The following LRRC37A2 variants were observed in gnomAD, a reference collection of about 807,000 sequenced individuals.
The protein encoded by LRRC37A2 is leucine rich repeat containing 37 member A2.
Under a neutral mutation model 68.8 loss-of-function variants are expected in LRRC37A2, and 9 were observed. The observed-to-expected ratio is 0.13, with a 90% CI of 0.08 to 0.23. LRRC37A2 has a LOEUF of 0.23. Among genes scored for constraint, LRRC37A2 ranks in the 10% least tolerant of loss-of-function variants. The pLI is 1.00. For missense variants in LRRC37A2, 168 were observed against 950.4 expected (o/e 0.18, Z 10.82); for synonymous variants, 63 against 367.6 (o/e 0.17, Z 9.48).
At chr17:46,793,731 A>G in the LRRC37A2 span, among the ~76,000 whole-genome samples, 1 of 152,208 alleles carries the variant, frequency 6.6e-6, no homozygotes, top group Non-Finnish European at 1.5e-5. Flanking sequence ...AGGCCAGGGT[A>G]GATGACACAC....
the LRRC37A2 span, among the ~76,000 whole-genome samples, chr17:46,868,232 A>C: frequency 6.6e-6 from 1 of 152,136 alleles, no homozygotes; most frequent in Non-Finnish European, 1.5e-5. Context: ...TTAGTTCAGA[A>C]CCCTGGTTAC....
At chr17:46,794,668 A>G in the LRRC37A2 span, among the ~76,000 whole-genome samples, 1 of 151,930 alleles carries the variant, frequency 6.6e-6, no homozygotes, top group East Asian at 1.9e-4. Context: ...ATGCCTGGGA[A>G]TTCCCTCCTT....
the LRRC37A2 span, among the ~76,000 whole-genome samples, chr17:46,868,352 G>A: frequency 6.6e-6 from 1 of 152,206 alleles, no homozygotes; most frequent in Non-Finnish European, 1.5e-5. Context: ...AGCACTTTGG[G>A]AGGCCAAGGT....
At chr17:46,882,003 T>A in the LRRC37A2 span, among the ~76,000 whole-genome samples, 32 of 152,230 alleles carry the variant, frequency 2.1e-4, no homozygotes, top group Middle Eastern at 6.8e-3. Flanking sequence ...TTTATAACAT[T>A]ATTTTCTGGC....
At chr17:46,771,469 G>C in the LRRC37A2 span, among the ~76,000 whole-genome samples, 2 of 149,866 alleles carry the variant, frequency 1.3e-5, no homozygotes, top group African/African-American at 4.9e-5. Flanking sequence ...CCCGGGCCGC[G>C]CTGGGTTCCC....
At chr17:46,936,700 C>T in the LRRC37A2 span, 12 of 984,746 alleles carry the variant, frequency 1.2e-5, no homozygotes, top group African/African-American at 5.3e-5. Flanking sequence ...TCCTTAGCCT[C>T]ATACAGTGAT....
the LRRC37A2 span, among the ~76,000 whole-genome samples, chr17:46,946,453 C>T: frequency 2.8e-5 from 3 of 108,268 alleles, no homozygotes; most frequent in African/African-American, 1.0e-4. Flanking sequence ...AAGAGCAAAA[C>T]TCCGTCTCAA....
At chr17:46,911,265 G>A in the LRRC37A2 span, among the ~76,000 whole-genome samples, 9 of 152,322 alleles carry the variant, frequency 5.9e-5, no homozygotes, top group African/African-American at 2.2e-4. Flanking sequence ...CAGGCTTTGT[G>A]TCTAAAAATA....
chr17:46,502,702 C>T, the LRRC37A2 span, among the ~76,000 whole-genome samples: 998 of 149,896 alleles, frequency 6.7e-3, no homozygotes, highest in Admixed American at 0.011. Flanking sequence ...CAAGGAAAGG[C>T]CTAAGGCACC....
chr17:47,033,401 A>C, the LRRC37A2 span: 1 of 694,220 alleles, frequency 1.4e-6, no homozygotes. Flanking sequence ...TGAATAAAGG[A>C]AAGAGGTTAC....
the LRRC37A2 span, among the ~76,000 whole-genome samples, chr17:46,609,757 G>A: frequency 1.4e-5 from 2 of 144,396 alleles, no homozygotes; most frequent in East Asian, 1.9e-4. Flanking sequence ...ATGTAAGTCC[G>A]TAAGATCATG....
At chr17:46,936,851 G>A in the LRRC37A2 span, 4 of 983,644 alleles carry the variant, frequency 4.1e-6, no homozygotes, top group African/African-American at 1.7e-5. Flanking sequence ...TTCTCTGGCT[G>A]AGGCTTCTTA....
chr17:46,918,037 T>C, the LRRC37A2 span, among the ~76,000 whole-genome samples: 1 of 152,242 alleles, frequency 6.6e-6, no homozygotes, highest in Non-Finnish European at 1.5e-5. Flanking sequence ...TGTTGTTAAA[T>C]CACTATTCTT....
the LRRC37A2 span, among the ~76,000 whole-genome samples, chr17:46,812,090 C>T: frequency 6.6e-6 from 1 of 152,222 alleles, no homozygotes; most frequent in Non-Finnish European, 1.5e-5. Context: ...ATCCAGTCTC[C>T]CTTGGAGAAG....
chr17:46,859,914 A>AG, the LRRC37A2 span, among the ~76,000 whole-genome samples: 52 of 152,362 alleles, frequency 3.4e-4, no homozygotes, highest in African/African-American at 7.5e-4. Context: ...ATTTAAAAAA[A>AG]GAAATTCTTC....
the LRRC37A2 span, chr17:46,940,254 G>A: frequency 1.6e-5 from 23 of 1,423,478 alleles, no homozygotes; most frequent in African/African-American, 1.6e-4. Context: ...TCACACTTTC[G>A]GTTGGAGGAG....
At chr17:46,923,143 C>A in the LRRC37A2 span, 3 of 1,244,460 alleles carry the variant, frequency 2.4e-6, no homozygotes, top group Admixed American at 2.0e-5. Context: ...GCTGTGAGGA[C>A]GTGTTCCGAG....
chr17:46,905,508 A>G, the LRRC37A2 span, among the ~76,000 whole-genome samples: 5 of 152,224 alleles, frequency 3.3e-5, no homozygotes, highest in Non-Finnish European at 7.3e-5. Flanking sequence ...CTGAGTCGTA[A>G]GTTGTTTCCT....
chr17:46,599,982 G>T, the LRRC37A2 span, among the ~76,000 whole-genome samples: 1 of 72,768 alleles, frequency 1.4e-5, no homozygotes, highest in South Asian at 5.1e-4. Flanking sequence ...TTTAGAGGCT[G>T]AGTCTCACTT....
Sources: gnomAD v4.1 joint callset for allele counts (sites outside exome capture counted in the v4.1 genomes callset) on GRCh38, gnomAD v4.1.1 for gene constraint, MANE v1.5 for transcripts, NCBI Gene and HGNC (gene_info 2026-07-23, HGNC 2026-07-21) for gene names.